Variants in PSMA1 observed in about 807,000 individuals in gnomAD.
The protein encoded by PSMA1 is proteasome subunit alpha type-1.
Under a neutral mutation model 38.4 loss-of-function variants are expected in PSMA1, and 3 were observed. That is an observed-to-expected ratio of 0.08 (90% CI 0.04 to 0.20). The LOEUF is 0.20. Ranked by LOEUF, PSMA1 falls within the 10% of genes least tolerant of loss-of-function variation. PSMA1 has a pLI of 1.00. For synonymous variants in PSMA1, 101 were observed against 107.1 expected (o/e 0.94, Z 0.35); for missense variants, 227 against 325.3 (o/e 0.70, Z 2.32).
At chr11:14,584,922 A>G (rs1852326970) in intron 2 of PSMA1, among the ~76,000 whole-genome samples, 1 of 152,208 alleles carries the variant, frequency 6.6e-6, no homozygotes, top group Admixed American at 6.5e-5. Context: ...TCACATGGTT[A>G]AAGGGACTGG....
At chr11:14,589,329 A>ATATATATATATATGTGTGTGTG (rs1852384136) in intron 2 of PSMA1, among the ~76,000 whole-genome samples, 4 of 148,068 alleles carry the variant, frequency 2.7e-5, no homozygotes, top group Non-Finnish European at 6.0e-5. Flanking sequence ...ATTAGGGAAG[A>ATATATATATATATGTGTGTGTG]TATATATATA....
intron 2 of PSMA1, among the ~76,000 whole-genome samples, chr11:14,578,435 T>A (rs554344595): frequency 1.6e-4 from 24 of 152,286 alleles, no homozygotes; most frequent in African/African-American, 5.3e-4. Context: ...AATTTCTTGA[T>A]ACAGACATGA....
chr11:14,533,494 G>C (rs1453372525), intron 2 of PSMA1, among the ~76,000 whole-genome samples: 1 of 152,100 alleles, frequency 6.6e-6, no homozygotes, highest in Non-Finnish European at 1.5e-5. Context: ...CCACTATCTG[G>C]GCTTTGTTAC....
At chr11:14,606,284 G>A (rs1160322790) in intron 2 of PSMA1, among the ~76,000 whole-genome samples, 1 of 152,112 alleles carries the variant, frequency 6.6e-6, no homozygotes. Context: ...TAGCTTTATA[G>A]TATAGTCTGA....
chr11:14,563,154 C>T (rs776697128), intron 2 of PSMA1, among the ~76,000 whole-genome samples: 27 of 152,120 alleles, frequency 1.8e-4, no homozygotes, highest in Non-Finnish European at 2.1e-4. Flanking sequence ...TTGCTTTTTA[C>T]GCTTTTATTC....
At chr11:14,592,878 A>G (rs1325607458) in intron 2 of PSMA1, among the ~76,000 whole-genome samples, 1 of 152,168 alleles carries the variant, frequency 6.6e-6, no homozygotes, top group East Asian at 1.9e-4. Flanking sequence ...TAATCCTCCT[A>G]TCTAAAACAG....
At chr11:14,635,284 C>T (rs141624859) in intron 1 of PSMA1, among the ~76,000 whole-genome samples, 1 of 152,316 alleles carries the variant, frequency 6.6e-6, no homozygotes, top group East Asian at 1.9e-4. Flanking sequence ...AACATGATTA[C>T]ACATCCCAAA....
At chr11:14,589,467 T>C (rs963692779) in intron 2 of PSMA1, among the ~76,000 whole-genome samples, 42 of 151,512 alleles carry the variant, frequency 2.8e-4, no homozygotes, top group Admixed American at 2.4e-3. Context: ...TATATATTTT[T>C]TTCTTTGTCA....
At chr11:14,638,541 CTCTCTATATATA>C (rs1475347026) in intron 1 of PSMA1, among the ~76,000 whole-genome samples, 45 of 15,694 alleles carry the variant, frequency 2.9e-3, no homozygotes, top group South Asian at 8.2e-3. Flanking sequence ...CTCTCTCTCT[CTCTCTATATATA>C]TATATATATA....
At chr11:14,614,837 T>C (rs1185459795) in intron 1 of PSMA1, among the ~76,000 whole-genome samples, 4 of 152,186 alleles carry the variant, frequency 2.6e-5, no homozygotes, top group Non-Finnish European at 5.9e-5. Context: ...CCTTTAGTCT[T>C]TCAGTACTCT....
chr11:14,586,837 T>C (rs561779484), intron 2 of PSMA1, among the ~76,000 whole-genome samples: 1 of 152,012 alleles, frequency 6.6e-6, no homozygotes, highest in Non-Finnish European at 1.5e-5. Flanking sequence ...CTCGGCTCAC[T>C]GAAACCTCTG....
chr11:14,528,532 C>T (rs1851611734), intron 2 of PSMA1, among the ~76,000 whole-genome samples: 1 of 152,048 alleles, frequency 6.6e-6, no homozygotes, highest in Non-Finnish European at 1.5e-5. Flanking sequence ...AGAAACATCG[C>T]CCATTATCTC....
At chr11:14,529,893 C>T (rs2134158604) in intron 2 of PSMA1, among the ~76,000 whole-genome samples, 1 of 152,300 alleles carries the variant, frequency 6.6e-6, no homozygotes, top group South Asian at 2.1e-4. Flanking sequence ...GGCTTTGCCT[C>T]TGAGAGTGCA....
chr11:14,628,169 C>CT (rs989652811), intron 1 of PSMA1, among the ~76,000 whole-genome samples: 44 of 149,660 alleles, frequency 2.9e-4, no homozygotes, highest in Non-Finnish European at 4.2e-4. Context: ...AATAGTTTTT[C>CT]TTTTTTTTTT....
chr11:14,627,334 G>C (rs942015430), intron 1 of PSMA1, among the ~76,000 whole-genome samples: 1 of 152,162 alleles, frequency 6.6e-6, no homozygotes, highest in Non-Finnish European at 1.5e-5. Context: ...TCCTGCCTCA[G>C]GGTTACTTGA....
intron 2 of PSMA1, among the ~76,000 whole-genome samples, chr11:14,562,502 C>A (rs1237777812): frequency 1.3e-5 from 2 of 152,210 alleles, no homozygotes; most frequent in Non-Finnish European, 2.9e-5. Context: ...CCTTCAATTT[C>A]AATGGAACTG....
intron 1 of PSMA1, among the ~76,000 whole-genome samples, chr11:14,625,084 A>T (rs1045050887): frequency 1.3e-5 from 2 of 152,198 alleles, no homozygotes; most frequent in African/African-American, 4.8e-5. Flanking sequence ...AACATGGAGG[A>T]TGTGTTCCCT....
intron 2 of PSMA1, among the ~76,000 whole-genome samples, chr11:14,600,465 C>T (rs934161455): frequency 5.9e-5 from 9 of 152,202 alleles, no homozygotes; most frequent in Admixed American, 3.3e-4. Context: ...TGCCCCTCCC[C>T]GAGCCAGGCT....
intron 1 of PSMA1, among the ~76,000 whole-genome samples, chr11:14,622,217 T>C (rs939471020): frequency 2.0e-5 from 3 of 152,218 alleles, no homozygotes; most frequent in African/African-American, 7.2e-5. Flanking sequence ...CTCAGGCACA[T>C]GGTATGTGGC....
Sources: allele counts gnomAD v4.1 joint callset (sites outside exome capture counted in the v4.1 genomes callset), GRCh38; gene constraint gnomAD v4.1.1; transcripts MANE v1.5; gene names NCBI Gene and HGNC (gene_info 2026-07-23, HGNC 2026-07-21).